AGBL4: variants seen among roughly 807,000 people sequenced by gnomAD.
AGBL4 encodes the protein cytosolic carboxypeptidase 6.
In AGBL4, 58 loss-of-function variants were observed where a neutral mutation model predicts 66.4. The ratio of observed to expected loss-of-function variants is 0.87; its 90% CI spans 0.71 to 1.09. AGBL4 has a LOEUF of 1.09. Among genes scored for constraint, AGBL4 ranks in the 50% least tolerant of loss-of-function variants. The probability of loss-of-function intolerance (pLI) is 0.00; values close to 1 mark genes in which losing one functional copy is unlikely to be tolerated. For synonymous variants in AGBL4, 234 were observed against 222.9 expected (o/e 1.05, Z -0.44); for missense variants, 579 against 631.0 (o/e 0.92, Z 0.88).
At chr1:48,821,197 GAACTAA>G (rs765876590) in intron 6 of AGBL4, among the ~76,000 whole-genome samples, 2 of 152,098 alleles carry the variant, frequency 1.3e-5, no homozygotes, top group Non-Finnish European at 2.9e-5. Flanking sequence ...ATTTCTCAAA[GAACTAA>G]AAATAGAACT....
At chr1:49,963,563 G>A (rs1023685636) in intron 1 of AGBL4, among the ~76,000 whole-genome samples, 1 of 152,012 alleles carries the variant, frequency 6.6e-6, no homozygotes, top group Non-Finnish European at 1.5e-5. Context: ...TCCAACATAG[G>A]CCCACCTCAG....
chr1:48,814,609 CTTTT>C (rs10708061), intron 6 of AGBL4, among the ~76,000 whole-genome samples: 4 of 131,636 alleles, frequency 3.0e-5, no homozygotes, highest in Admixed American at 1.5e-4. Context: ...ATGAGATCAA[CTTTT>C]TTTTTTTTTT....
rs1001825026 is a variant in AGBL4, at chr1:48,802,229, C to T, written c.634+64962G>A. On this transcript the variant is annotated intron_variant, in intron 6 of 13. Coordinates refer to ENST00000371839, the MANE Select transcript of AGBL4 (RefSeq NM_032785.4). ...CCTTATGTTGAAGCTGTGCCCATTC[C>T]CAGCATGGATTTCTCACTGATTTTT... 3.9e-5 allele frequency among the ~76,000 whole-genome samples: 6 copies of T among 152,098 alleles called. No individual in the cohort carries two copies. In the South Asian group the frequency reaches 1.2e-3, roughly 32 times the overall value.
Position 49,202,803 on chromosome 1 carries a change from C to G in AGBL4, c.377+42967G>C, listed in dbSNP as rs79946483. Among the ~76,000 whole-genome samples the G allele has an allele frequency of 6.7e-3, 1,022 of 151,818 alleles. 4 individuals carry two copies. The highest frequency in any genetic ancestry group is 0.011 in the Non-Finnish European group (751 of 67,878). On this transcript the variant is annotated intron_variant, in intron 4 of 13. Transcript: ENST00000371839. ...AACTATTACACAGCAAAAGAAACAA[C>G]CAACAGAGTGAAAAGGCAACCTACA...
At chr1:49,559,945 C>T (rs1350613139) in intron 3 of AGBL4, among the ~76,000 whole-genome samples, 1 of 152,110 alleles carries the variant, frequency 6.6e-6, no homozygotes, top group Non-Finnish European at 1.5e-5. Flanking sequence ...CTCTGGAGAT[C>T]CCTAATACAC....
rs187865586 is a variant in AGBL4, at chr1:49,856,826, G to C, written c.35-5308C>G. Among the ~76,000 whole-genome samples, 265 of 152,076 alleles carry C rather than the reference G, an allele frequency of 1.7e-3. 1 individual carries two copies. Among genetic ancestry groups the C allele is most frequent in the African/African-American group, 5.7e-3 (235 of 41,528 alleles). ...TCCTCTAAGAACAGAACAAGACAAG[G>C]ATGCCCACTTTCACTTCTCTTACTC... On this transcript the variant is annotated intron_variant, in intron 1 of 13. Transcript: ENST00000371839.
chr1:48,705,482 A>G (rs1570306512), intron 6 of AGBL4, among the ~76,000 whole-genome samples: 2 of 152,258 alleles, frequency 1.3e-5, no homozygotes, highest in East Asian at 3.8e-4. Flanking sequence ...TTTCACATAC[A>G]TTGTCTCATC....
chr1:49,014,561 T>C (rs569301592), intron 5 of AGBL4, among the ~76,000 whole-genome samples: 9 of 152,362 alleles, frequency 5.9e-5, no homozygotes, highest in African/African-American at 2.2e-4. Context: ...GCCCTCTGTA[T>C]GAAGGCGGGC....
intron 11 of AGBL4, among the ~76,000 whole-genome samples, chr1:48,546,858 CAA>C (rs1553185387): frequency 1.0e-4 from 13 of 128,030 alleles, no homozygotes; most frequent in Non-Finnish European, 1.3e-4. Flanking sequence ...GGTAGTAAAA[CAA>C]ACAAACACAC....
intron 2 of AGBL4, among the ~76,000 whole-genome samples, chr1:49,742,965 C>T (rs1346668290): frequency 6.6e-6 from 1 of 152,166 alleles, no homozygotes; most frequent in Non-Finnish European, 1.5e-5. Context: ...AAAACCTACG[C>T]AATACCATTC....
intron 4 of AGBL4, among the ~76,000 whole-genome samples, chr1:49,138,176 A>G (rs1646049270): frequency 6.6e-6 from 1 of 152,150 alleles, no homozygotes; most frequent in South Asian, 2.1e-4. Flanking sequence ...CTTGAATGCC[A>G]GGTGAGACTT....
intron 1 of AGBL4, among the ~76,000 whole-genome samples, chr1:49,997,254 A>G (rs1294077450): frequency 2.0e-5 from 3 of 152,210 alleles, no homozygotes; most frequent in Non-Finnish European, 4.4e-5. Flanking sequence ...CTTAAAAGAT[A>G]CAGAATGGCA....
At chr1:48,612,714 T>C (rs994978627) in intron 9 of AGBL4, among the ~76,000 whole-genome samples, 18 of 152,212 alleles carry the variant, frequency 1.2e-4, no homozygotes, top group Non-Finnish European at 2.4e-4. Context: ...CTATAAATAT[T>C]TGTATTAAAA....
intron 9 of AGBL4, among the ~76,000 whole-genome samples, chr1:48,602,981 G>C (rs1645096747): frequency 6.6e-6 from 1 of 152,172 alleles, no homozygotes; most frequent in Non-Finnish European, 1.5e-5. Context: ...TGAAAGTATG[G>C]CTGAAGGAAC....
Position 49,728,593 on chromosome 1 carries a change from C to T in AGBL4, c.158-31156G>A, listed in dbSNP as rs867514344. On this transcript the variant is annotated intron_variant, in intron 2 of 13. Coordinates refer to ENST00000371839, the MANE Select transcript of AGBL4 (RefSeq NM_032785.4). ...TTGTAATGATGTGCCATACCCAGCT[C>T]AGAAATGCGATGACACACTCTTTTG... Among the ~76,000 whole-genome samples the T allele has an allele frequency of 2.6e-5, 4 of 152,124 alleles. 1 individual carries two copies. In the Middle Eastern group the frequency reaches 0.01, roughly 388 times the overall value.
chr1:49,318,386 AGAT>A (rs3052048), intron 3 of AGBL4, among the ~76,000 whole-genome samples: 22,265 of 148,672 alleles, frequency 0.15, 2,812 homozygotes, highest in African/African-American at 0.35. Flanking sequence ...ATTTAAATGC[AGAT>A]GATGATGATG....
chr1:49,996,851 T>C (rs1406751242), intron 1 of AGBL4, among the ~76,000 whole-genome samples: 1 of 152,110 alleles, frequency 6.6e-6, no homozygotes, highest in East Asian at 1.9e-4. Context: ...CCAATCAGAT[T>C]AATAGCAGAT....
chr1:49,227,532 TTCAG>T (rs947370107), intron 4 of AGBL4, among the ~76,000 whole-genome samples: 29 of 152,282 alleles, frequency 1.9e-4, no homozygotes, highest in Non-Finnish European at 2.9e-4. Context: ...TAAGAGCCCA[TTCAG>T]TCAAACAGCT....
chr1:49,495,353 T>G (rs559293442), intron 3 of AGBL4, among the ~76,000 whole-genome samples: 89 of 151,974 alleles, frequency 5.9e-4, no homozygotes, highest in African/African-American at 2.1e-3. Flanking sequence ...ACATTATGAG[T>G]TTTTTGCTAT....
Sources: gnomAD v4.1 joint callset for allele counts (sites outside exome capture counted in the v4.1 genomes callset) on GRCh38, gnomAD v4.1.1 for gene constraint, MANE v1.5 for transcripts, NCBI Gene and HGNC (gene_info 2026-07-23, HGNC 2026-07-21) for gene names.